Variants in SLC6A11 observed in about 807,000 individuals in gnomAD.
SLC6A11 encodes the protein solute carrier family 6 member 11, also known as sodium- and chloride-dependent GABA transporter 3.
SLC6A11 carries 25 observed loss-of-function variants against 74.8 expected under a neutral mutation model. The observed-to-expected ratio is 0.33, with a 90% confidence interval of 0.24 to 0.47. The LOEUF is 0.47. SLC6A11 is among the 20% of genes least tolerant of loss of function. The pLI is 1.00. For synonymous variants in SLC6A11, 330 were observed against 330.2 expected (o/e 1.00, Z 0.01); for missense variants, 574 against 837.0 (o/e 0.69, Z 3.88).
At chr3:10,868,169 G>A (rs968293349) in intron 5 of SLC6A11, among the ~76,000 whole-genome samples, 11 of 152,320 alleles carry the variant, frequency 7.2e-5, no homozygotes, top group African/African-American at 2.4e-4. Flanking sequence ...AGAGGGTATG[G>A]AACTGGCCCC....
intron 6 of SLC6A11, among the ~76,000 whole-genome samples, chr3:10,904,547 T>G (rs1321631569): frequency 6.6e-6 from 1 of 152,228 alleles, no homozygotes; most frequent in African/African-American, 2.4e-5. Context: ...CCTTAGGGTT[T>G]GTTTTGTTGA....
At chr3:10,896,189 G>A (rs528732932) in intron 6 of SLC6A11, among the ~76,000 whole-genome samples, 2 of 152,370 alleles carry the variant, frequency 1.3e-5, no homozygotes, top group East Asian at 1.9e-4. Context: ...ACACCAGGGT[G>A]GGGAGGAGAC....
intron 5 of SLC6A11, among the ~76,000 whole-genome samples, chr3:10,850,654 G>A (rs1204907371): frequency 1.3e-5 from 2 of 152,198 alleles, no homozygotes; most frequent in Non-Finnish European, 2.9e-5. Flanking sequence ...AACTTGTGCG[G>A]CAAAGTAAAG....
intron 6 of SLC6A11, among the ~76,000 whole-genome samples, chr3:10,889,639 C>T (rs144720552): frequency 3.2e-4 from 48 of 152,334 alleles, no homozygotes; most frequent in Admixed American, 1.3e-3. Context: ...GCTTGTCAGA[C>T]ATGCTGACTC....
intron 4 of SLC6A11, among the ~76,000 whole-genome samples, chr3:10,834,078 A>T (rs1575669520): frequency 6.6e-6 from 1 of 152,190 alleles, no homozygotes; most frequent in Non-Finnish European, 1.5e-5. Context: ...GGGATAGATG[A>T]TGTGGTATCA....
Position 10,848,163 on chromosome 3 carries a change from A to G in SLC6A11, c.756+3817A>G, listed in dbSNP as rs1446901105. 2.6e-5 allele frequency among the ~76,000 whole-genome samples: 4 copies of G among 152,234 alleles called. No individual in the cohort carries two copies. In the East Asian group the frequency reaches 7.7e-4, roughly 29 times the overall value. ...AATATCCCCAACTTTAAGTCAATTT[A>G]GTGAGCATTTCACCTGTTCAGGGAG... On this transcript the variant is annotated intron_variant, in intron 5 of 13. Coordinates refer to ENST00000254488, the MANE Select transcript of SLC6A11 (RefSeq NM_014229.3).
chr3:10,834,697 G>C (rs1017614998), intron 4 of SLC6A11, among the ~76,000 whole-genome samples: 2 of 152,264 alleles, frequency 1.3e-5, no homozygotes, highest in African/African-American at 2.4e-5. Flanking sequence ...ATGCAGGATG[G>C]GGGAGAAGCG....
intron 5 of SLC6A11, among the ~76,000 whole-genome samples, chr3:10,871,224 G>T (rs1694824683): frequency 6.6e-6 from 1 of 152,180 alleles, no homozygotes; most frequent in African/African-American, 2.4e-5. Context: ...AGTCTACCCA[G>T]TGGAAACTGG....
At chr3:10,896,613 A>G (rs1695174489) in intron 6 of SLC6A11, among the ~76,000 whole-genome samples, 1 of 152,230 alleles carries the variant, frequency 6.6e-6, no homozygotes, top group South Asian at 2.1e-4. Context: ...AAATGGCTGA[A>G]AATGAGATTT....
intron 5 of SLC6A11, 102 bp downstream of exon 5, chr3:10,844,448 T>C (rs1189372166): frequency 2.3e-5 from 33 of 1,443,902 alleles, no homozygotes; most frequent in Non-Finnish European, 2.8e-5. Context: ...AGGCCAGCAC[T>C]TAAGTTGGGA....
intron 6 of SLC6A11, among the ~76,000 whole-genome samples, chr3:10,910,602 G>A (rs1201071067): frequency 6.6e-6 from 1 of 152,130 alleles, no homozygotes; most frequent in African/African-American, 2.4e-5. Context: ...GTCCTGTGTT[G>A]AGTGAGAGGT....
At chr3:10,873,399 G>GCCATGCCATGCCATGCCATC in intron 5 of SLC6A11, among the ~76,000 whole-genome samples, 1 of 90,808 alleles carries the variant, frequency 1.1e-5, no homozygotes, top group East Asian at 4.8e-4. Flanking sequence ...CCTATCCTAT[G>GCCATGCCATGCCATGCCATC]CTATCCTATC....
chr3:10,935,096 C>G lies in SLC6A11; in HGVS notation c.1643C>G (p.Ala548Gly). 6.2e-7 allele frequency: 1 copy of G among 1,614,136 alleles called. No homozygotes were observed. The highest frequency in any genetic ancestry group is 8.5e-7 in the Non-Finnish European group (1 of 1,179,944). ...LKYNNIYTYP[A>G]WGYGIGWLMA... ...TACAACAACATCTACACCTACCCAG[C>G]CTGGGGCTATGGCATTGGCTGGCTC... Residue 548 changes from alanine (A) to glycine (G), a missense_variant, in exon 13 of 14, where the codon GCC (alanine) becomes GGC (glycine). This residue lies in a region of SLC6A11 where 257 missense variants were observed against 341.5 expected (regional missense o/e 0.75). Coordinates refer to ENST00000254488, the MANE Select transcript of SLC6A11 (RefSeq NM_014229.3).
chr3:10,859,021 G>C (rs1471921550), intron 5 of SLC6A11, among the ~76,000 whole-genome samples: 2 of 152,202 alleles, frequency 1.3e-5, no homozygotes, highest in East Asian at 3.9e-4. Context: ...TGAAGGGATT[G>C]TAGACAAGCC....
intron 5 of SLC6A11, among the ~76,000 whole-genome samples, chr3:10,860,465 C>T (rs552322103): frequency 5.3e-5 from 8 of 152,226 alleles, no homozygotes; most frequent in Admixed American, 4.6e-4. Context: ...GAGAAGAGCA[C>T]AAGAGTGAAG....
intron 4 of SLC6A11, among the ~76,000 whole-genome samples, chr3:10,826,384 A>C (rs1279147081): frequency 6.6e-6 from 1 of 152,160 alleles, no homozygotes; most frequent in African/African-American, 2.4e-5. Context: ...AGAATGTCAG[A>C]GACTTGTATT....
chr3:10,910,534 T>G (rs1695372473), intron 6 of SLC6A11, among the ~76,000 whole-genome samples: 1 of 152,176 alleles, frequency 6.6e-6, no homozygotes, highest in Non-Finnish European at 1.5e-5. Context: ...GATAGTGAGC[T>G]TCCGGTCACT....
At chr3:10,874,824 A>G (rs568120974) in intron 5 of SLC6A11, 137 bp from the exon 6 acceptor site, 6 of 763,668 alleles carry the variant, frequency 7.9e-6, no homozygotes, top group Admixed American at 5.0e-5. Context: ...AATGTGGTCT[A>G]TACACGCGGG....
At chr3:10,870,188 G>C (rs994804354) in intron 5 of SLC6A11, among the ~76,000 whole-genome samples, 2 of 152,130 alleles carry the variant, frequency 1.3e-5, no homozygotes, top group Non-Finnish European at 2.9e-5. Context: ...TTCCCAACCT[G>C]TCTCCATAGC....
Sources: gnomAD v4.1 joint callset for allele counts (sites outside exome capture counted in the v4.1 genomes callset) on GRCh38, gnomAD v4.1.1 for gene constraint, gnomAD v4.1.1 regional missense constraint, MANE v1.5 for transcripts, NCBI Gene and HGNC (gene_info 2026-07-23, HGNC 2026-07-21) for gene names.